The following HIVEP2 variants were observed in gnomAD, a reference collection of about 807,000 sequenced individuals.
The protein encoded by HIVEP2 is HIVEP zinc finger 2.
HIVEP2 carries 14 observed loss-of-function variants against 180.7 expected under a neutral mutation model. That is an observed-to-expected ratio of 0.08 (90% CI 0.05 to 0.12). The LOEUF is 0.12. Ranked by LOEUF, HIVEP2 falls within the 10% of genes least tolerant of loss-of-function variation. The pLI, the probability that HIVEP2 is intolerant of heterozygous loss-of-function variation, is 1.00. For synonymous variants in HIVEP2, 1,184 were observed against 1,136.4 expected, an observed-to-expected ratio of 1.04 and a Z score of -0.84; for missense variants, 2,579 against 3,008.5, an observed-to-expected ratio of 0.86 and a Z score of 3.34.
chr6:142,804,779 C>T (rs1247162409), intron 2 of HIVEP2, among the ~76,000 whole-genome samples: 1 of 151,982 alleles, frequency 6.6e-6, no homozygotes, highest in Non-Finnish European at 1.5e-5. Context: ...AGCTGACATC[C>T]TTTTAACAAA....
At chr6:142,876,723 A>G (rs1776448154) in intron 1 of HIVEP2, among the ~76,000 whole-genome samples, 1 of 152,192 alleles carries the variant, frequency 6.6e-6, no homozygotes. Flanking sequence ...CAATGCCTGT[A>G]TTTAAAAATA....
intron 1 of HIVEP2, among the ~76,000 whole-genome samples, chr6:142,875,928 A>G (rs1206434099): frequency 6.6e-6 from 1 of 152,056 alleles, no homozygotes; most frequent in Non-Finnish European, 1.5e-5. Flanking sequence ...TATTTAGCAT[A>G]TTGATGATAT....
intron 2 of HIVEP2, among the ~76,000 whole-genome samples, chr6:142,824,480 C>A (rs1774810778): frequency 6.6e-6 from 1 of 152,106 alleles, no homozygotes; most frequent in East Asian, 1.9e-4. Context: ...CTTTGTGGGC[C>A]TCCATTTGAA....
chr6:142,766,721 C>T (rs1455229520), intron 6 of HIVEP2, among the ~76,000 whole-genome samples: 1 of 152,062 alleles, frequency 6.6e-6, no homozygotes, highest in Non-Finnish European at 1.5e-5. Context: ...AATAATATAT[C>T]ATACAACAGT....
At chr6:142,858,435 C>T (rs1775884202) in intron 1 of HIVEP2, among the ~76,000 whole-genome samples, 1 of 152,136 alleles carries the variant, frequency 6.6e-6, no homozygotes, top group South Asian at 2.1e-4. Context: ...GGCAGCACTG[C>T]TCTGTTCACT....
Position 142,774,230 on chromosome 6 carries a change from A to G in HIVEP2, c.509T>C (p.Ile170Thr), listed in dbSNP as rs757925421. 14 of 1,614,014 alleles carry G rather than the reference A, an allele frequency of 8.7e-6. No individual in the cohort carries two copies. The highest frequency in any genetic ancestry group is 3.3e-5 in the Admixed American group (2 of 60,008). ...CTTGTGAGCCTCTTCTGCCTGTTCA[A>G]TACTTTTCTGGGAGTATTGGCTATA... The part of the protein sequence containing the change: ...PAYSQYSQKS[I>T]EQAEEAHKKE... Residue 170 changes from isoleucine to threonine, a missense_variant, in exon 5 of 10, where the codon ATT (isoleucine) becomes ACT (threonine). Physicochemically the swap from Ile to Thr is moderately conservative, Grantham distance 89. This residue lies in a region of HIVEP2 where 207 missense variants were observed against 210.1 expected (regional missense o/e 0.99). Transcript: ENST00000367603. The surrounding 1 kb of genome is among the most constrained non-coding windows in gnomAD (Gnocchi z 5.1).
intron 1 of HIVEP2, among the ~76,000 whole-genome samples, chr6:142,922,028 C>T (rs373166616): frequency 2.0e-5 from 3 of 152,182 alleles, no homozygotes; most frequent in Non-Finnish European, 4.4e-5. Flanking sequence ...GCGTCTAAGA[C>T]GTGACCCTTT....
chr6:142,860,357 T>C (rs1775943577), intron 1 of HIVEP2, among the ~76,000 whole-genome samples: 1 of 152,180 alleles, frequency 6.6e-6, no homozygotes, highest in Non-Finnish European at 1.5e-5. Context: ...CCCCAACCTT[T>C]TGGGCACCAG....
At position 142,773,002 on chromosome 6, in the gene HIVEP2, T is replaced by C. The variant is rs1005711151; in HGVS notation, c.1737A>G (p.Pro579=). ...GCTGAGGGGGTATGCCCACGGTCCC[T>C]GGATAGAATACATCGTCGGAACCAG... The part of the protein sequence containing the change: ...RMTGSDDVFY[P]GTVGIPPQRM... Residue 579 remains proline, a synonymous_variant, in exon 5 of 10, where the codon CCA becomes CCG. Transcript: ENST00000367603. 6.2e-7 allele frequency: 1 copy of C among 1,614,208 alleles called. No individual in the cohort carries two copies. Among genetic ancestry groups the C allele is most frequent in the Non-Finnish European group, 8.5e-7 (1 of 1,180,046 alleles).
In HIVEP2 at chr6:142,869,405, A is replaced by C. The variant is rs541536449; in HGVS notation, c.-640-32358T>G. Among the ~76,000 whole-genome samples the C allele has an allele frequency of 2.6e-5, 4 of 152,340 alleles. No homozygotes were observed. The South Asian group carries it at 8.3e-4, about 32-fold the overall frequency. Reference sequence around the variant, plus strand: ...AATATATATAGTATCAACTATGTACAAATTTCTGACTCAGAATAAAAAAAT... The same window carrying C: ...AATATATATAGTATCAACTATGTACCAATTTCTGACTCAGAATAAAAAAAT... On this transcript the variant is annotated intron_variant, in intron 1 of 9. Transcript: ENST00000367603.
At chr6:142,768,975 A>G (rs1238780658) in intron 5 of HIVEP2, among the ~76,000 whole-genome samples, 1 of 148,878 alleles carries the variant, frequency 6.7e-6, no homozygotes. Context: ...AATTTAGCAG[A>G]AATTTCAAAA....
At chr6:142,802,610 A>C (rs957423210) in intron 2 of HIVEP2, among the ~76,000 whole-genome samples, 1 of 152,150 alleles carries the variant, frequency 6.6e-6, no homozygotes, top group Admixed American at 6.6e-5. Context: ...TTGCCCTTCT[A>C]TTCCTAATAT....
rs750483453 is a variant in HIVEP2, at chr6:142,769,803, T to C, written c.4936A>G (p.Thr1646Ala). The change falls in exon 5 of 10, where the codon ACT (threonine) becomes GCT (alanine). Residue 1646 changes from threonine to alanine, a missense_variant. By Grantham distance (58) the Thr-to-Ala change is moderately conservative. Coordinates refer to ENST00000367603, the MANE Select transcript of HIVEP2 (RefSeq NM_006734.4). ...LQFPSLRTTT[T>A]VSWCFLNYTK... ...TAATTCAAGAAGCACCAACTCACAGTAGTTGTTGTCCGCAGACTGGGGAAC... is the reference window on the plus strand; with the variant it reads ...TAATTCAAGAAGCACCAACTCACAGCAGTTGTTGTCCGCAGACTGGGGAAC... 40 of 1,614,188 alleles carry C rather than the reference T, an allele frequency of 2.5e-5. No individual in the cohort carries two copies. The East Asian group carries it at 8.0e-4, about 32-fold the overall frequency.
intron 1 of HIVEP2, among the ~76,000 whole-genome samples, chr6:142,900,088 G>A (rs529231142): frequency 3.9e-5 from 6 of 152,294 alleles, no homozygotes; most frequent in South Asian, 2.1e-4. Context: ...TAATAGAGAT[G>A]ATTCTCAGGA....
At chr6:142,822,370 A>C (rs1215229408) in intron 2 of HIVEP2, among the ~76,000 whole-genome samples, 1 of 152,238 alleles carries the variant, frequency 6.6e-6, no homozygotes, top group Non-Finnish European at 1.5e-5. Context: ...TTCTTTATTA[A>C]TAATTAAAAA....
intron 1 of HIVEP2, among the ~76,000 whole-genome samples, chr6:142,862,890 C>A (rs1776035600): frequency 1.1e-5 from 1 of 94,910 alleles, no homozygotes; most frequent in African/African-American, 4.8e-5. Context: ...GTATATATTG[C>A]ATATAATAGA....
intron 2 of HIVEP2, among the ~76,000 whole-genome samples, chr6:142,789,847 C>T (rs1194654753): frequency 6.6e-6 from 1 of 151,934 alleles, no homozygotes; most frequent in Non-Finnish European, 1.5e-5. Flanking sequence ...CAGAAAATAA[C>T]AGTAGTTAAG....
At position 142,772,131 on chromosome 6, in the gene HIVEP2, G is replaced by C; in HGVS notation, c.2608C>G (p.Gln870Glu). The C allele has an allele frequency of 6.2e-7, 1 of 1,614,200 alleles. No homozygotes were observed. Among genetic ancestry groups the C allele is most frequent in the South Asian group, 1.1e-5 (1 of 91,080 alleles). ...GGCTGTGTGTGATAGGACTGCTGCTGCACCTGCTGAGATGGAGAGGGTTTC... is the reference window on the plus strand; with the variant it reads ...GGCTGTGTGTGATAGGACTGCTGCTCCACCTGCTGAGATGGAGAGGGTTTC... ...GGKPSPSQQV[Q>E]QQSYHTQPRL... The change falls in exon 5 of 10, where the codon CAG becomes GAG. Residue 870 changes from glutamine (Q) to glutamate (E), a missense_variant. Physicochemically the swap from Gln to Glu is conservative, Grantham distance 29 (BLOSUM62 2). This residue lies in a region of HIVEP2 where 524 missense variants were observed against 563.6 expected (regional missense o/e 0.93). Transcript: ENST00000367603. This position sits in a 1 kb window ranked among gnomAD's most constrained non-coding sequence, Gnocchi z 4.9.
At chr6:142,785,334 A>C (rs1775970420) in intron 2 of HIVEP2, among the ~76,000 whole-genome samples, 1 of 147,268 alleles carries the variant, frequency 6.8e-6, no homozygotes, top group African/African-American at 2.5e-5. Flanking sequence ...AAAAAAAAAA[A>C]AAAAAAAAAA....
Sources: gnomAD v4.1 joint callset for allele counts (sites outside exome capture counted in the v4.1 genomes callset) on GRCh38, gnomAD v4.1.1 for gene constraint, gnomAD v4.1.1 regional missense constraint, Gnocchi (gnomAD v3.1) non-coding constraint, MANE v1.5 for transcripts, NCBI Gene and HGNC (gene_info 2026-07-23, HGNC 2026-07-21) for gene names.